Variants in TEX52 observed in about 807,000 individuals in gnomAD.
TEX52 encodes the protein testis expressed 52.
Under a neutral mutation model 17.6 loss-of-function variants are expected in TEX52, and 22 were observed. The observed-to-expected ratio is 1.25, with a 90% CI of 0.89 to 1.78. The LOEUF (loss-of-function observed/expected upper bound fraction) is 1.78. Among genes scored for constraint, TEX52 ranks in the 40% most tolerant of loss-of-function variants. The probability of loss-of-function intolerance (pLI) is 0.00; values close to 1 mark genes in which losing one functional copy is unlikely to be tolerated. For missense variants in TEX52, 396 were observed against 372.3 expected (o/e 1.06, Z -0.52); for synonymous variants, 168 against 147.4 (o/e 1.14, Z -1.01).
chr12:2,854,787 G>A, intron 2 of TEX52, 109 bp downstream of exon 2: 2 of 1,175,496 alleles, frequency 1.7e-6, no homozygotes, highest in East Asian at 2.6e-5. Flanking sequence ...TTTTCAGATG[G>A]CCAGAGCGGG....
chr12:2,849,659 T>C (rs2098063938), intron 2 of TEX52, 134 bp from the exon 3 acceptor site: 1 of 983,670 alleles, frequency 1.0e-6, no homozygotes, highest in Non-Finnish European at 1.5e-6. Context: ...GAATCCCTTC[T>C]GTCTCTCCAC....
rs934693717 is a variant in TEX52, at chr12:2,856,889, A to G, written c.72+66T>C. 3.6e-5 allele frequency: 25 copies of G among 702,070 alleles called. 1 individual carries two copies. The East Asian group carries it at 4.0e-4, about 11-fold the overall frequency. The allele number at this position is 702,070 out of a possible 1,614,324, so 43.5% of individuals were successfully genotyped here. ...TGCCCAGAAGAAAGCCTGGCCCACT[A>G]TAAGGGACAGCCTGTAGCCCAGTGG... On this transcript the variant is annotated intron_variant, in intron 1 of 2. Coordinates refer to ENST00000637658, the MANE Select transcript of TEX52 (RefSeq NM_001365174.2).
At chr12:2,853,832 A>G (rs1222314339) in intron 2 of TEX52, among the ~76,000 whole-genome samples, 3 of 152,008 alleles carry the variant, frequency 2.0e-5, no homozygotes, top group Non-Finnish European at 4.4e-5. Context: ...GCTCCTCTCA[A>G]CGTTCCTGGC....
At chr12:2,856,396 C>T (rs1268518893) in intron 1 of TEX52, among the ~76,000 whole-genome samples, 1 of 152,196 alleles carries the variant, frequency 6.6e-6, no homozygotes, top group East Asian at 1.9e-4. Context: ...TGGAGTTTCA[C>T]TCTTGTTACC....
downstream of TEX52, among the ~76,000 whole-genome samples, chr12:2,848,866 GACACACACACGCAC>G (rs1172712630): frequency 8.6e-6 from 1 of 115,768 alleles, no homozygotes; most frequent in Non-Finnish European, 1.8e-5. Context: ...CACCCCAACA[GACACACACACGCAC>G]ACACACACAC....
chr12:2,848,408 CT>C (rs1398200483), downstream of TEX52, among the ~76,000 whole-genome samples: 1 of 152,220 alleles, frequency 6.6e-6, no homozygotes, highest in Non-Finnish European at 1.5e-5. Context: ...TACTTTACCC[CT>C]GGTCTTTGAC....
chr12:2,855,263 T>G lies in TEX52; in HGVS notation c.256A>C (p.Lys86Gln), dbSNP rs1374338795. ...CCCCAGGTGTGCTGGGCGCCACCCT[T>G]CCAAGGGTGGATGAGCCGCTGACGC... ...KVRQRLIHPW[K>Q]GGAQHTWGFH... Residue 86 changes from lysine (K) to glutamine (Q), a missense_variant, in exon 2 of 3, where the codon AAG becomes CAG. Coordinates refer to ENST00000637658, the MANE Select transcript of TEX52 (RefSeq NM_001365174.2). 6.6e-6 allele frequency: 10 copies of G among 1,513,482 alleles called. No homozygotes were observed. The East Asian group carries it at 2.2e-4, about 34-fold the overall frequency. 93.8% of individuals were successfully genotyped at this position (1,513,482 alleles called of 1,614,324 possible). A position where few individuals can be genotyped will look rare whatever the true frequency, so the allele number is the denominator to read the frequency against.
At chr12:2,850,938 C>T (rs761443294) in intron 2 of TEX52, among the ~76,000 whole-genome samples, 9 of 149,140 alleles carry the variant, frequency 6.0e-5, no homozygotes, top group Non-Finnish European at 1.3e-4. Context: ...TCCCAAAGTG[C>T]TGAGATTACA....
rs902859963 is a variant in TEX52 at position 2,855,043 on chromosome 12, G to A, written c.476C>T (p.Thr159Met). ...CTTCTTCCTTTTCATGTCCACAAAC[G>A]TGGGATAACAGTGGATGAAGGTCAG... ...SFLTFIHCYP[T>M]FVDMKRKKQV... The change falls in exon 2 of 3, where the codon ACG (threonine) becomes ATG (methionine). Residue 159 changes from threonine (T) to methionine (M), a missense_variant. Thr to Met is a moderately conservative substitution (Grantham distance 81, BLOSUM62 -1). Coordinates refer to ENST00000637658, the MANE Select transcript of TEX52 (RefSeq NM_001365174.2). 2.3e-5 allele frequency: 35 copies of A among 1,535,996 alleles called. No homozygotes were observed. Among genetic ancestry groups the A allele is most frequent in the South Asian group, 2.0e-4 (17 of 84,060 alleles).
At position 2,856,982 on chromosome 12, in the gene TEX52, T is replaced by C; in HGVS notation, c.45A>G (p.Pro15=). ...GCAGGAAAGGTTCTTCCATATGAGATGGGTGACTGGGCCCTCTGAGTGATC... is the reference window on the plus strand; with the variant it reads ...GCAGGAAAGGTTCTTCCATATGAGACGGGTGACTGGGCCCTCTGAGTGATC... ...RQRSLRGPSH[P]SHMEEPFLQM... is the part of the protein sequence containing the mutation. Residue 15 remains proline, a synonymous_variant, in exon 1 of 3, where the codon CCA becomes CCG. Transcript: ENST00000637658. 1 of 702,996 alleles carries C rather than the reference T, an allele frequency of 1.4e-6. No individual in the cohort carries two copies. The highest frequency in any genetic ancestry group is 1.5e-5 in the South Asian group (1 of 67,600). The allele number at this position is 702,996 out of a possible 1,614,324, so 43.5% of individuals were successfully genotyped here.
In TEX52 at chr12:2,854,945, G is replaced by C; in HGVS notation, c.574C>G (p.Pro192Ala). Residue 192 changes from proline (P) to alanine (A), a missense_variant, in exon 2 of 3, where the codon CCC becomes GCC. Pro to Ala is a conservative substitution (Grantham distance 27). Coordinates refer to ENST00000637658, the MANE Select transcript of TEX52 (RefSeq NM_001365174.2). ...KLKLRSEARAPPLDAQGNIQP... is the reference protein window; with the variant it reads ...KLKLRSEARAAPLDAQGNIQP... ...ATGTTGCCCTGGGCATCGAGTGGGG[G>C]TGCTCTTGCCTCACTCCTCAACTTG... 5 of 1,536,148 alleles carry C rather than the reference G, an allele frequency of 3.3e-6. No homozygotes were observed. The highest frequency in any genetic ancestry group is 4.4e-6 in the Non-Finnish European group (5 of 1,146,906).
rs186378719 is a variant in TEX52 at position 2,854,271 on chromosome 12, C to T, written c.623+625G>A. The stretch of plus-strand genomic sequence containing the variant: ...AACTCCCTACCTCAGGTGATCCGGC[C>T]GCCTCGGCCTCCTAAAGTTCTGGGA... On this transcript the variant is annotated intron_variant, in intron 2 of 2. Coordinates refer to ENST00000637658, the MANE Select transcript of TEX52 (RefSeq NM_001365174.2). Among the ~76,000 whole-genome samples the T allele has an allele frequency of 1.6e-4, 24 of 152,104 alleles. No homozygotes were observed. The East Asian group carries it at 1.7e-3, about 11-fold the overall frequency.
chr12:2,853,927 A>T (rs898599866), intron 2 of TEX52, among the ~76,000 whole-genome samples: 1 of 151,976 alleles, frequency 6.6e-6, no homozygotes, highest in Non-Finnish European at 1.5e-5. Context: ...TCCAGCCTGA[A>T]CCCTGACTTC....
downstream of TEX52, among the ~76,000 whole-genome samples, chr12:2,848,560 A>G (rs980788340): frequency 6.6e-6 from 1 of 150,984 alleles, no homozygotes; most frequent in Non-Finnish European, 1.5e-5. Context: ...ACTTTGTTCT[A>G]CTCTTGTTCC....
At chr12:2,852,866 A>G (rs764467252) in intron 2 of TEX52, among the ~76,000 whole-genome samples, 1 of 151,956 alleles carries the variant, frequency 6.6e-6, no homozygotes, top group Non-Finnish European at 1.5e-5. Context: ...AGGCATGGTG[A>G]CGGGAGCCTG....
At chr12:2,854,777 T>C (rs2153929535) in intron 2 of TEX52, 119 bp downstream of exon 2, 1 of 1,105,668 alleles carries the variant, frequency 9.0e-7, no homozygotes, top group Non-Finnish European at 1.2e-6. Flanking sequence ...AAGAGTTTGG[T>C]TTTCAGATGG....
chr12:2,849,644 G>T (rs1330638551), intron 2 of TEX52, 119 bp from the exon 3 acceptor site: 3 of 1,156,944 alleles, frequency 2.6e-6, no homozygotes, highest in Non-Finnish European at 3.6e-6. Context: ...CCATCAGGCG[G>T]CAGGGAATCC....
chr12:2,854,941 G>A lies in TEX52; in HGVS notation c.578C>T (p.Pro193Leu). 1 of 1,536,084 alleles carries A rather than the reference G, an allele frequency of 6.5e-7. No homozygotes were observed. The highest frequency in any genetic ancestry group is 1.4e-5 in the African/African-American group (1 of 73,100). Residue 193 changes from proline to leucine, a missense_variant, in exon 2 of 3, where the codon CCA becomes CTA. Coordinates refer to ENST00000637658, the MANE Select transcript of TEX52 (RefSeq NM_001365174.2). ...CTGGATGTTGCCCTGGGCATCGAGT[G>A]GGGGTGCTCTTGCCTCACTCCTCAA... Reference protein sequence around the residue: ...LKLRSEARAPPLDAQGNIQPP... With the variant: ...LKLRSEARAPLLDAQGNIQPP...
Position 2,855,450 on chromosome 12 carries a change from G to C in TEX52, c.73-4C>G. On this transcript the variant is annotated splice_polypyrimidine_tract_variant and splice_region_variant and intron_variant, in intron 1 of 2. Transcript: ENST00000637658. ...GGGACTCGCTGGCCTGGACCATCTA[G>C]GGAGAGACAAAAGGGAGCCTGGGGA... The C allele has an allele frequency of 7.0e-7, 1 of 1,432,312 alleles. No individual in the cohort carries two copies. The highest frequency in any genetic ancestry group is 9.2e-7 in the Non-Finnish European group (1 of 1,090,944). 88.7% of individuals were successfully genotyped at this position (1,432,312 alleles called of 1,614,324 possible). A position where few individuals can be genotyped will look rare whatever the true frequency, so the allele number is the denominator to read the frequency against.
Sources: gnomAD v4.1 joint callset for allele counts (sites outside exome capture counted in the v4.1 genomes callset) on GRCh38, gnomAD v4.1.1 for gene constraint, MANE v1.5 for transcripts, NCBI Gene and HGNC (gene_info 2026-07-23, HGNC 2026-07-21) for gene names.